MATN2: variants seen among roughly 807,000 people sequenced by gnomAD.
MATN2 encodes matrilin 2.
A neutral mutation model predicts 103.2 loss-of-function variants in MATN2; 69 were observed. The ratio of observed to expected loss-of-function variants is 0.67; its 90% confidence interval spans 0.55 to 0.82. The LOEUF (loss-of-function observed/expected upper bound fraction) is 0.82, where lower values mean the gene tolerates loss of function less well. Among genes scored for constraint, MATN2 ranks in the 40% least tolerant of loss-of-function variants. The pLI, the probability that MATN2 is intolerant of heterozygous loss-of-function variation, is 0.00. For synonymous variants in MATN2, 429 were observed against 450.2 expected (o/e 0.95, Z 0.60); for missense variants, 1,023 against 1,211.5 (o/e 0.84, Z 2.31).
chr8:98,022,986 G>A (rs997919617), intron 13 of MATN2, among the ~76,000 whole-genome samples: 2 of 152,204 alleles, frequency 1.3e-5, no homozygotes, highest in African/African-American at 4.8e-5. Flanking sequence ...TACTCAAGAG[G>A]CTGAGGCAGG....
Position 98,032,323 on chromosome 8 carries a change from GTT to G in MATN2, c.2581+10_2581+11del. The stretch of plus-strand genomic sequence containing the variant: ...AACGGTCCAACAGCCAACAGGTACA[GTT>G]TTTAAGGCAGTGTTTTTAGAAATTT... On this transcript the variant is annotated splice_region_variant and intron_variant, in intron 16 of 18. Coordinates refer to ENST00000254898, the MANE Select transcript of MATN2 (RefSeq NM_002380.5). 3 of 1,605,748 alleles carry G rather than the reference GTT, an allele frequency of 1.9e-6. No homozygotes were observed. Among genetic ancestry groups the G allele is most frequent in the Middle Eastern group, 1.7e-4 (1 of 6,048 alleles).
chr8:97,972,397 G>A (rs1811688927), intron 5 of MATN2, among the ~76,000 whole-genome samples: 1 of 151,668 alleles, frequency 6.6e-6, no homozygotes, highest in African/African-American at 2.4e-5. Flanking sequence ...TTTAAATCCT[G>A]CATTTGGAAT....
chr8:98,020,453 TTTTC>T (rs1486076220), intron 12 of MATN2, among the ~76,000 whole-genome samples: 4 of 152,142 alleles, frequency 2.6e-5, no homozygotes, highest in African/African-American at 9.7e-5. Flanking sequence ...GCCCTCATGC[TTTTC>T]TTTCTGCAAA....
chr8:98,035,441 T>TAA (rs1350658587), intron 18 of MATN2, among the ~76,000 whole-genome samples: 3 of 143,046 alleles, frequency 2.1e-5, no homozygotes, highest in African/African-American at 7.6e-5. Flanking sequence ...TTGCTGATGT[T>TAA]AAAAAAAAAA....
At chr8:97,941,161 C>CAAAAAAAAAAA (rs1186024165) in intron 3 of MATN2, among the ~76,000 whole-genome samples, 1 of 77,986 alleles carries the variant, frequency 1.3e-5, no homozygotes, top group African/African-American at 5.0e-5. Context: ...GACCTTGTCT[C>CAAAAAAAAAAA]AAAAAAAAAA....
At chr8:97,876,317 G>A (rs867315714) in intron 1 of MATN2, among the ~76,000 whole-genome samples, 7 of 151,554 alleles carry the variant, frequency 4.6e-5, no homozygotes, top group African/African-American at 1.7e-4. Context: ...AGCCTCCCGA[G>A]TAGCTGGGAT....
chr8:98,017,684 G>A (rs1813412242), intron 11 of MATN2, among the ~76,000 whole-genome samples: 1 of 152,216 alleles, frequency 6.6e-6, no homozygotes, highest in African/African-American at 2.4e-5. Context: ...AACCTCCTAA[G>A]GAATCATATC....
chr8:98,009,275 C>G (rs1813078935), intron 10 of MATN2, among the ~76,000 whole-genome samples: 1 of 152,178 alleles, frequency 6.6e-6, no homozygotes, highest in South Asian at 2.1e-4. Flanking sequence ...TTCTGACTGT[C>G]CTGTCCTGTA....
At chr8:97,976,656 T>C (rs1029310918) in intron 5 of MATN2, among the ~76,000 whole-genome samples, 1 of 152,168 alleles carries the variant, frequency 6.6e-6, no homozygotes, top group Non-Finnish European at 1.5e-5. Context: ...GAGTACTTTT[T>C]TTTGAAAAGG....
chr8:97,892,799 T>A (rs889729796), intron 2 of MATN2, among the ~76,000 whole-genome samples: 1 of 152,172 alleles, frequency 6.6e-6, no homozygotes, highest in African/African-American at 2.4e-5. Context: ...ACCTCATGGA[T>A]CCTCTGAAAA....
At chr8:97,882,870 A>AT (rs1818297018) in intron 1 of MATN2, among the ~76,000 whole-genome samples, 2 of 151,494 alleles carry the variant, frequency 1.3e-5, no homozygotes, top group Admixed American at 6.6e-5. Flanking sequence ...TTTAATTTGT[A>AT]TTTTTCTAAT....
At chr8:98,025,304 G>A (rs1250347003) in intron 13 of MATN2, 1 of 158,862 alleles carries the variant, frequency 6.3e-6, no homozygotes, top group African/African-American at 2.4e-5. Flanking sequence ...CACACACTAT[G>A]ACGTTAAGCA....
rs114223811 is a variant in MATN2, at chr8:98,006,906, C to T, written c.1328-199C>T. Among the ~76,000 whole-genome samples, 1,332 of 152,238 alleles carry T rather than the reference C, an allele frequency of 8.7e-3. 21 individuals carry two copies. Among genetic ancestry groups the T allele is most frequent in the African/African-American group, 0.03 (1,258 of 41,550 alleles). ...TGGAGGTTGCAGTGAGCCGAGATCT[C>T]GCCACTGCACTCCAGCCTGGGTGAA... On this transcript the variant is annotated intron_variant, in intron 8 of 18. Coordinates refer to ENST00000254898, the MANE Select transcript of MATN2 (RefSeq NM_002380.5).
chr8:97,912,199 C>T (rs117174439), intron 2 of MATN2, among the ~76,000 whole-genome samples: 4 of 152,192 alleles, frequency 2.6e-5, no homozygotes, highest in East Asian at 1.9e-4. Flanking sequence ...TTTCTATTAT[C>T]GGGTCTTGAA....
At chr8:97,891,767 A>G (rs1160443232) in intron 2 of MATN2, among the ~76,000 whole-genome samples, 5 of 152,254 alleles carry the variant, frequency 3.3e-5, no homozygotes, top group Non-Finnish European at 7.3e-5. Context: ...AATAACAATA[A>G]TAAAATCAGA....
At chr8:97,950,594 C>G (rs181344462) in intron 4 of MATN2, 1 of 152,272 alleles carries the variant, frequency 6.6e-6, no homozygotes, top group East Asian at 1.9e-4. Context: ...TTACCCCCCA[C>G]ACAGAGAGCA....
intron 14 of MATN2, among the ~76,000 whole-genome samples, chr8:98,028,561 T>C (rs1260860265): frequency 6.6e-6 from 1 of 152,226 alleles, no homozygotes; most frequent in East Asian, 1.9e-4. Flanking sequence ...ATAAGAAAAC[T>C]TGAGGTTGTG....
chr8:97,978,733 G>A (rs990111017), intron 5 of MATN2, among the ~76,000 whole-genome samples, 153 bp from the exon 6 acceptor site: 2 of 151,878 alleles, frequency 1.3e-5, no homozygotes, highest in Admixed American at 6.6e-5. Flanking sequence ...TTTGAGGGGG[G>A]CAGAGACCTT....
At chr8:97,869,527 C>G (rs972044402) in intron 1 of MATN2, among the ~76,000 whole-genome samples, 1 of 152,148 alleles carries the variant, frequency 6.6e-6, no homozygotes, top group Admixed American at 6.5e-5. Flanking sequence ...GCGCTCCCTG[C>G]GCAGGACAAG....
Sources: allele counts gnomAD v4.1 joint callset (sites outside exome capture counted in the v4.1 genomes callset), GRCh38; gene constraint gnomAD v4.1.1; transcripts MANE v1.5; gene names NCBI Gene and HGNC (gene_info 2026-07-23, HGNC 2026-07-21).